Variants in DDC observed in about 807,000 individuals in gnomAD.
DDC encodes the protein dopa decarboxylase.
Under a neutral mutation model 60.0 loss-of-function variants are expected in DDC, and 43 were observed. That is an observed-to-expected ratio of 0.72 (90% CI 0.56 to 0.92). The LOEUF (loss-of-function observed/expected upper bound fraction) is 0.92. DDC is among the 40% of genes least tolerant of loss of function. The pLI, the probability that DDC is intolerant of heterozygous loss-of-function variation, is 0.00. For missense variants in DDC, 573 were observed against 620.2 expected, an observed-to-expected ratio of 0.92 and a Z score of 0.81; for synonymous variants, 232 against 234.6, an observed-to-expected ratio of 0.99 and a Z score of 0.10.
chr7:50,462,243 A>G lies in DDC; in HGVS notation c.*18+970T>C, dbSNP rs1271819394. On this transcript the variant is annotated intron_variant, in intron 14 of 14. Coordinates refer to ENST00000444124, the MANE Select transcript of DDC (RefSeq NM_001082971.2). Reference sequence around the variant, plus strand: ...CAAAAAGACAAAAAAAAAAAAAAAAAAAAAAGAAAATAAACAGAAAAAGGT... The same window carrying G: ...CAAAAAGACAAAAAAAAAAAAAAAAGAAAAAGAAAATAAACAGAAAAAGGT... Among the ~76,000 whole-genome samples, 6 of 150,662 alleles carry G rather than the reference A, an allele frequency of 4.0e-5. No individual in the cohort carries two copies. In the East Asian group the frequency reaches 1.2e-3, roughly 29 times the overall value.
chr7:50,552,323 T>C (rs71538393), intron 1 of DDC, among the ~76,000 whole-genome samples: 2,399 of 152,330 alleles, frequency 0.016, 40 homozygotes, highest in Non-Finnish European at 0.023. Flanking sequence ...ATAGCTTCTG[T>C]TGACATAAAC....
At chr7:50,472,380 A>G (rs1461801388) in intron 11 of DDC, among the ~76,000 whole-genome samples, 1 of 152,222 alleles carries the variant, frequency 6.6e-6, no homozygotes, top group African/African-American at 2.4e-5. Flanking sequence ...AAGTCAATTC[A>G]TATTTGATGC....
At position 50,463,303 on chromosome 7, in the gene DDC, A is replaced by G; in HGVS notation, c.1371T>C (p.Ser457=). The G allele has an allele frequency of 6.2e-7, 1 of 1,614,256 alleles. No individual in the cohort carries two copies. Among genetic ancestry groups the G allele is most frequent in the Non-Finnish European group, 8.5e-7 (1 of 1,180,042 alleles). The part of the protein sequence containing the change: ...RFAICSRTVE[S]AHVQRAWEHI... ...GTTCCCAGGCCCGCTGCACATGGGC[A>G]GATTCCACCGTGCGAGAACAGATGG... The change falls in exon 14 of 15, where the codon TCT becomes TCC. Residue 457 remains serine (S), a synonymous_variant. Transcript: ENST00000444124.
At chr7:50,471,470 G>A (rs183483201) in intron 11 of DDC, among the ~76,000 whole-genome samples, 71 of 152,340 alleles carry the variant, frequency 4.7e-4, no homozygotes, top group African/African-American at 1.7e-3. Context: ...AGGGCCCAGA[G>A]CCATGGTTCT....
rs150688776 is a variant in DDC at position 50,471,060 on chromosome 7, A to G, written c.1042-889T>C. Among the ~76,000 whole-genome samples the G allele has an allele frequency of 5.5e-3, 844 of 152,252 alleles. 8 individuals are homozygous for G. The highest frequency in any genetic ancestry group is 0.02 in the African/African-American group (813 of 41,548). On this transcript the variant is annotated intron_variant, in intron 11 of 14. Coordinates refer to ENST00000444124, the MANE Select transcript of DDC (RefSeq NM_001082971.2). Reference sequence around the variant, plus strand: ...GCTTAGCCGGAGTCCTGAGTCCCGCACTGCTCCCCAGTAGGAGGGCTTGCA... The same window carrying G: ...GCTTAGCCGGAGTCCTGAGTCCCGCGCTGCTCCCCAGTAGGAGGGCTTGCA...
In DDC at chr7:50,498,752, T is replaced by C. The variant is rs554272519; in HGVS notation, c.876+396A>G. On this transcript the variant is annotated intron_variant, in intron 8 of 14. Coordinates refer to ENST00000444124, the MANE Select transcript of DDC (RefSeq NM_001082971.2). ...TCAATATTGGTTAAAGTGAATATCA[T>C]GTTCAGATGTATGGGCAGAACATGA... 2.6e-5 allele frequency among the ~76,000 whole-genome samples: 4 copies of C among 152,378 alleles called. No homozygotes were observed. In the East Asian group the frequency reaches 7.7e-4, roughly 29 times the overall value.
intron 4 of DDC, among the ~76,000 whole-genome samples, chr7:50,534,840 C>T (rs1296643641): frequency 6.6e-6 from 1 of 152,184 alleles, no homozygotes; most frequent in African/African-American, 2.4e-5. Flanking sequence ...AGAATCAGGA[C>T]TGATGTTCCA....
chr7:50,526,730 T>C (rs1023670205), intron 6 of DDC, among the ~76,000 whole-genome samples: 1 of 152,140 alleles, frequency 6.6e-6, no homozygotes, highest in African/African-American at 2.4e-5. Context: ...ACAGGATACA[T>C]CTTAAATATA....
At chr7:50,465,769 C>A (rs891236166) in intron 13 of DDC, among the ~76,000 whole-genome samples, 3 of 152,234 alleles carry the variant, frequency 2.0e-5, no homozygotes, top group African/African-American at 7.2e-5. Context: ...TCAACAAAAA[C>A]AAGAATGAAA....
chr7:50,520,101 C>T (rs968556307), intron 6 of DDC, among the ~76,000 whole-genome samples: 9 of 152,104 alleles, frequency 5.9e-5, no homozygotes, highest in Non-Finnish European at 1.3e-4. Context: ...ACCCCTTTGT[C>T]AGAAATGGAC....
intron 9 of DDC, among the ~76,000 whole-genome samples, chr7:50,493,332 C>T (rs1458117818): frequency 1.3e-5 from 2 of 152,200 alleles, no homozygotes; most frequent in African/African-American, 4.8e-5. Flanking sequence ...CAGCCCTGCC[C>T]TGCTCAAGGG....
intron 6 of DDC, among the ~76,000 whole-genome samples, chr7:50,512,358 TC>T (rs1269987877): frequency 3.9e-5 from 6 of 152,182 alleles, no homozygotes; most frequent in Admixed American, 2.0e-4. Context: ...CACCAGGAAA[TC>T]TGTCTCCCAG....
intron 2 of DDC, among the ~76,000 whole-genome samples, chr7:50,540,764 C>T (rs2044603544): frequency 1.3e-5 from 2 of 152,210 alleles, no homozygotes; most frequent in Admixed American, 6.5e-5. Context: ...AGAGGAAAAG[C>T]TCATGTGGGC....
intron 9 of DDC, among the ~76,000 whole-genome samples, chr7:50,481,367 G>T (rs74769350): frequency 9.2e-5 from 14 of 152,100 alleles, no homozygotes; most frequent in African/African-American, 2.9e-4. Flanking sequence ...CACTGGTTGT[G>T]GGGGGAGGTC....
intron 1 of DDC, among the ~76,000 whole-genome samples, chr7:50,551,701 T>C (rs1314233780): frequency 2.0e-5 from 3 of 152,192 alleles, no homozygotes; most frequent in Non-Finnish European, 4.4e-5. Flanking sequence ...TACTCTTACG[T>C]CTGTTAAATG....
intron 4 of DDC, 53 bp downstream of exon 4, chr7:50,537,807 T>A: frequency 6.2e-7 from 1 of 1,612,208 alleles, no homozygotes; most frequent in Non-Finnish European, 8.5e-7. Context: ...GCGGCTACAG[T>A]CCTGTGCAGA....
chr7:50,537,101 C>G (rs1352725782), intron 4 of DDC, among the ~76,000 whole-genome samples: 3 of 150,682 alleles, frequency 2.0e-5, no homozygotes, highest in Non-Finnish European at 4.4e-5. Context: ...TCCTGCAACC[C>G]CAGTGGAATA....
intron 1 of DDC, among the ~76,000 whole-genome samples, chr7:50,558,516 C>T (rs1215102648): frequency 2.0e-5 from 3 of 152,160 alleles, no homozygotes; most frequent in African/African-American, 7.2e-5. Flanking sequence ...ACTTTGGTTG[C>T]CACATCCTAT....
At chr7:50,563,274 T>C (rs2045378068) in intron 1 of DDC, among the ~76,000 whole-genome samples, 1 of 152,156 alleles carries the variant, frequency 6.6e-6, no homozygotes, top group African/African-American at 2.4e-5. Flanking sequence ...AACATGTTGG[T>C]GTGAGAGCAG....
Sources: allele counts gnomAD v4.1 joint callset (sites outside exome capture counted in the v4.1 genomes callset), GRCh38; gene constraint gnomAD v4.1.1; transcripts MANE v1.5; gene names NCBI Gene and HGNC (gene_info 2026-07-23, HGNC 2026-07-21).